Variants in EYS observed in about 807,000 individuals in gnomAD.
The protein encoded by EYS is protein eyes shut homolog.
EYS carries 250 observed loss-of-function variants against 282.1 expected under a neutral mutation model. The observed-to-expected ratio is 0.89, with a 90% CI of 0.80 to 0.98. The LOEUF (loss-of-function observed/expected upper bound fraction) is 0.98, where lower values mean the gene tolerates loss of function less well. EYS is among the 50% of genes least tolerant of loss of function. EYS has a pLI of 0.00. For missense variants in EYS, 4,016 were observed against 3,709.0 expected, an observed-to-expected ratio of 1.08 and a Z score of -2.15; for synonymous variants, 1,355 against 1,282.9, an observed-to-expected ratio of 1.06 and a Z score of -1.20.
intron 12 of EYS, among the ~76,000 whole-genome samples, chr6:65,067,945 G>C (rs184734617): frequency 1.1e-3 from 160 of 152,166 alleles, no homozygotes; most frequent in African/African-American, 3.6e-3. Flanking sequence ...TCACATGCTA[G>C]CAGGTTAATA....
chr6:65,363,140 C>CG (rs202161421), intron 8 of EYS, among the ~76,000 whole-genome samples: 32,928 of 117,520 alleles, frequency 0.28, 3,797 homozygotes, highest in South Asian at 0.43. Flanking sequence ...ATGTGATCAT[C>CG]AGGGCTACAA....
chr6:64,226,315 T>G (rs185275249), intron 31 of EYS, among the ~76,000 whole-genome samples: 1 of 152,226 alleles, frequency 6.6e-6, no homozygotes, highest in African/African-American at 2.4e-5. Context: ...CTCAGTACAG[T>G]TAACCTTTAA....
At chr6:64,700,599 C>A (rs867739981) in intron 22 of EYS, among the ~76,000 whole-genome samples, 42 of 151,796 alleles carry the variant, frequency 2.8e-4, no homozygotes, top group Middle Eastern at 6.8e-3. Flanking sequence ...CAAAGAGATA[C>A]AAATAAATAA....
intron 29 of EYS, among the ~76,000 whole-genome samples, chr6:64,360,947 G>A (rs1771981791): frequency 6.6e-6 from 1 of 151,642 alleles, no homozygotes; most frequent in African/African-American, 2.4e-5. Flanking sequence ...AAGAAGCTTA[G>A]CTGATCCAGC....
chr6:63,964,924 T>C (rs1311417651), intron 35 of EYS, among the ~76,000 whole-genome samples: 1 of 152,186 alleles, frequency 6.6e-6, no homozygotes, highest in Non-Finnish European at 1.5e-5. Context: ...CTGCCAGGTT[T>C]CTAAAATAAA....
intron 36 of EYS, among the ~76,000 whole-genome samples, chr6:63,854,417 C>A (rs1044504286): frequency 1.3e-5 from 2 of 152,022 alleles, no homozygotes; most frequent in Non-Finnish European, 2.9e-5. Flanking sequence ...AACACATGGA[C>A]ACAGGGAGGG....
At chr6:64,504,570 GAA>G (rs2150514218) in intron 26 of EYS, among the ~76,000 whole-genome samples, 1 of 152,300 alleles carries the variant, frequency 6.6e-6, no homozygotes, top group East Asian at 1.9e-4. Context: ...TCAAGTCACA[GAA>G]AGATATAGGA....
At chr6:64,372,250 C>T (rs145727678) in intron 29 of EYS, among the ~76,000 whole-genome samples, 42 of 148,666 alleles carry the variant, frequency 2.8e-4, no homozygotes, top group African/African-American at 1.0e-3. Flanking sequence ...AAAATTCTCT[C>T]AGCATTTGAT....
chr6:65,556,218 C>T (rs573426112), intron 2 of EYS, among the ~76,000 whole-genome samples: 2 of 152,290 alleles, frequency 1.3e-5, no homozygotes, highest in South Asian at 4.1e-4. Context: ...CACCTGTAGT[C>T]CTAGCTGTTC....
intron 5 of EYS, among the ~76,000 whole-genome samples, chr6:65,422,362 T>C (rs893162699): frequency 2.0e-5 from 3 of 151,894 alleles, no homozygotes; most frequent in African/African-American, 7.2e-5. Flanking sequence ...GTTGGAAGAA[T>C]CTTAAAAGAA....
chr6:64,529,805 C>A (rs1764267449), intron 26 of EYS, among the ~76,000 whole-genome samples: 1 of 150,048 alleles, frequency 6.7e-6, no homozygotes. Flanking sequence ...TGCAGACTTG[C>A]TGATTGTGCC....
In EYS at chr6:65,003,076, G is replaced by A. The variant is rs369686638; in HGVS notation, c.2138-5373C>T. Among the ~76,000 whole-genome samples the A allele has an allele frequency of 5.7e-4, 85 of 147,980 alleles. 10 individuals are homozygous for A. The East Asian group carries it at 6.6e-3, about 11-fold the overall frequency. On this transcript the variant is annotated intron_variant, in intron 13 of 42. Coordinates refer to ENST00000503581, the MANE Select transcript of EYS (RefSeq NM_001142800.2). Reference sequence around the variant, plus strand: ...GAAAAAAGAACAGGATAACAGCAATGTTTAGGAAACAAGAGAGATAACCTT... The same window carrying A: ...GAAAAAAGAACAGGATAACAGCAATATTTAGGAAACAAGAGAGATAACCTT...
chr6:63,781,074 T>C (rs1433020899), intron 39 of EYS, among the ~76,000 whole-genome samples: 1 of 152,234 alleles, frequency 6.6e-6, no homozygotes, highest in African/African-American at 2.4e-5. Flanking sequence ...TGTGCTATTA[T>C]TTCTGAAGGC....
chr6:64,306,395 C>T (rs1358296836), intron 30 of EYS, among the ~76,000 whole-genome samples: 1 of 152,096 alleles, frequency 6.6e-6, no homozygotes, highest in Non-Finnish European at 1.5e-5. Context: ...TTTTAATTGT[C>T]TGAGTTCCCT....
chr6:64,210,137 T>C (rs896455427), intron 31 of EYS, among the ~76,000 whole-genome samples: 2 of 152,212 alleles, frequency 1.3e-5, no homozygotes, highest in Admixed American at 1.3e-4. Flanking sequence ...CTTTCTTCCT[T>C]TCTGAATAAG....
chr6:64,114,246 C>G (rs1773303861), intron 31 of EYS, among the ~76,000 whole-genome samples: 1 of 151,954 alleles, frequency 6.6e-6, no homozygotes, highest in Admixed American at 6.6e-5. Flanking sequence ...GTATTTTTGT[C>G]TTCTATTATT....
chr6:65,412,403 C>G (rs1332935074), intron 5 of EYS, among the ~76,000 whole-genome samples: 1 of 152,104 alleles, frequency 6.6e-6, no homozygotes, highest in Non-Finnish European at 1.5e-5. Flanking sequence ...TTTAAAGAAA[C>G]TGTCAAATTG....
intron 35 of EYS, among the ~76,000 whole-genome samples, chr6:63,878,515 G>C (rs931810029): frequency 6.6e-6 from 1 of 152,208 alleles, no homozygotes; most frequent in East Asian, 1.9e-4. Context: ...GTCAGATAGG[G>C]ACGTTTAAGT....
chr6:64,886,907 TC>T, intron 18 of EYS, 65 bp from the exon 19 acceptor site: 4 of 928,856 alleles, frequency 4.3e-6, no homozygotes, highest in Non-Finnish European at 4.7e-6. Flanking sequence ...TATATATGAT[TC>T]ATATTTATAT....
Sources: gnomAD v4.1 joint callset for allele counts (sites outside exome capture counted in the v4.1 genomes callset) on GRCh38, gnomAD v4.1.1 for gene constraint, MANE v1.5 for transcripts, NCBI Gene and HGNC (gene_info 2026-07-23, HGNC 2026-07-21) for gene names.